GRID2: variants seen among roughly 807,000 people sequenced by gnomAD.
GRID2 encodes glutamate receptor ionotropic, delta-2.
GRID2 carries 33 observed loss-of-function variants against 114.8 expected under a neutral mutation model. That is an observed-to-expected ratio of 0.29 (90% CI 0.22 to 0.38). The LOEUF (loss-of-function observed/expected upper bound fraction) is 0.38, where lower values mean the gene tolerates loss of function less well. GRID2 is among the 10% of genes least tolerant of loss of function. The pLI is 1.00. For missense variants in GRID2, 1,184 were observed against 1,257.7 expected, an observed-to-expected ratio of 0.94 and a Z score of 0.89; for synonymous variants, 505 against 449.9, an observed-to-expected ratio of 1.12 and a Z score of -1.55.
intron 2 of GRID2, among the ~76,000 whole-genome samples, chr4:92,956,402 T>C (rs998242505): frequency 8.5e-5 from 13 of 152,328 alleles, no homozygotes; most frequent in African/African-American, 3.1e-4. Context: ...TCCCTATCCC[T>C]AACCCTTGAA....
At position 93,614,304 on chromosome 4, in the gene GRID2, A is replaced by T. The variant is rs374169971; in HGVS notation, c.2194-11965A>T. 4.6e-5 allele frequency among the ~76,000 whole-genome samples: 7 copies of T among 152,066 alleles called. No homozygotes were observed. The South Asian group carries it at 6.3e-4, about 14-fold the overall frequency. On this transcript the variant is annotated intron_variant, in intron 13 of 15. Transcript: ENST00000282020. ...GCTCACGCTGGGAGCTGTAGACCGG[A>T]GCTGTTCCTATTCGGCCATCTTGGC... is the stretch of plus-strand genomic sequence containing the variant.
At chr4:93,210,262 A>G (rs1743299804) in intron 5 of GRID2, among the ~76,000 whole-genome samples, 1 of 152,056 alleles carries the variant, frequency 6.6e-6, no homozygotes, top group African/African-American at 2.4e-5. Flanking sequence ...ATTTTTGTAT[A>G]TGGTATAATA....
intron 1 of GRID2, among the ~76,000 whole-genome samples, chr4:92,589,449 A>G (rs1728606399): frequency 6.6e-6 from 1 of 152,206 alleles, no homozygotes; most frequent in East Asian, 1.9e-4. Context: ...TCCATTACCA[A>G]TCAAATAGTC....
chr4:92,592,044 T>G (rs995412359), intron 2 of GRID2, among the ~76,000 whole-genome samples: 3 of 151,952 alleles, frequency 2.0e-5, no homozygotes, highest in Non-Finnish European at 2.9e-5. Context: ...AAAAGCAGTA[T>G]AAATTAATAT....
At chr4:93,613,428 C>A (rs1387318665) in intron 13 of GRID2, among the ~76,000 whole-genome samples, 17 of 114,462 alleles carry the variant, frequency 1.5e-4, no homozygotes, top group Non-Finnish European at 2.6e-4. Flanking sequence ...CTGTTTTTTC[C>A]CCATCTTTGT....
At chr4:93,443,525 G>C (rs1037299229) in intron 10 of GRID2, among the ~76,000 whole-genome samples, 1 of 151,878 alleles carries the variant, frequency 6.6e-6, no homozygotes, top group Non-Finnish European at 1.5e-5. Flanking sequence ...CATATTATAG[G>C]GGACATGGCC....
chr4:92,991,514 C>G (rs1754904624), intron 2 of GRID2, among the ~76,000 whole-genome samples: 2 of 152,118 alleles, frequency 1.3e-5, no homozygotes, highest in Admixed American at 6.5e-5. Context: ...GTTTAACCAC[C>G]CAAAGGGTAA....
At chr4:93,241,802 T>TA (rs78539388) in intron 8 of GRID2, among the ~76,000 whole-genome samples, 2,273 of 130,876 alleles carry the variant, frequency 0.017, 11 homozygotes, top group South Asian at 0.05. Flanking sequence ...AGTAGAAAAG[T>TA]AAAAAAAAAA....
rs992941227 is a variant in GRID2 at position 92,843,729 on chromosome 4, G to A, written c.245-241266G>A. ...TCACAAAGATGTGTAGTTGGAAAGGGAGGATTTTTTACAATAACCTTCAAA... is the reference window on the plus strand; with the variant it reads ...TCACAAAGATGTGTAGTTGGAAAGGAAGGATTTTTTACAATAACCTTCAAA... On this transcript the variant is annotated intron_variant, in intron 2 of 15. Coordinates refer to ENST00000282020, the MANE Select transcript of GRID2 (RefSeq NM_001510.4). 1.4e-4 allele frequency among the ~76,000 whole-genome samples: 21 copies of A among 152,210 alleles called. No individual in the cohort carries two copies. The East Asian group carries it at 3.9e-3, about 28-fold the overall frequency.
chr4:92,485,763 T>C (rs1461016842), intron 1 of GRID2, among the ~76,000 whole-genome samples: 2 of 152,038 alleles, frequency 1.3e-5, no homozygotes, highest in African/African-American at 4.8e-5. Context: ...TATTTGAGAA[T>C]TTTAAGCTTC....
intron 1 of GRID2, among the ~76,000 whole-genome samples, chr4:92,532,213 C>T (rs944144958): frequency 6.6e-6 from 1 of 152,144 alleles, no homozygotes; most frequent in Non-Finnish European, 1.5e-5. Context: ...TACAGGAATA[C>T]TCCTACCTAC....
At chr4:92,782,693 A>T (rs972481780) in intron 2 of GRID2, among the ~76,000 whole-genome samples, 5 of 152,136 alleles carry the variant, frequency 3.3e-5, no homozygotes, top group African/African-American at 1.2e-4. Context: ...AAAAGACATG[A>T]TTGCAAACTA....
chr4:93,324,131 T>C (rs560723647), intron 8 of GRID2, among the ~76,000 whole-genome samples: 16 of 152,268 alleles, frequency 1.1e-4, no homozygotes, highest in African/African-American at 3.4e-4. Context: ...GTGCCAGTTT[T>C]CAAAGAGAGT....
chr4:92,872,256 G>A (rs1008201887), intron 2 of GRID2, among the ~76,000 whole-genome samples: 22 of 152,132 alleles, frequency 1.4e-4, no homozygotes, highest in African/African-American at 5.3e-4. Context: ...CATTTATGAA[G>A]AAAGAATATA....
At chr4:92,895,698 T>A (rs1167666547) in intron 2 of GRID2, among the ~76,000 whole-genome samples, 1 of 152,026 alleles carries the variant, frequency 6.6e-6, no homozygotes, top group East Asian at 1.9e-4. Flanking sequence ...ATCCTTAGAA[T>A]GTGTTAACTA....
intron 3 of GRID2, among the ~76,000 whole-genome samples, chr4:93,099,579 C>G (rs1394557701): frequency 6.6e-6 from 1 of 151,740 alleles, no homozygotes; most frequent in Non-Finnish European, 1.5e-5. Flanking sequence ...GATATGTACA[C>G]TTTTTGTTAC....
At chr4:92,432,314 G>T (rs1270499244) in intron 1 of GRID2, among the ~76,000 whole-genome samples, 1 of 152,134 alleles carries the variant, frequency 6.6e-6, no homozygotes, top group African/African-American at 2.4e-5. Context: ...ATGCAGGCTG[G>T]TGTCCTTTCC....
intron 8 of GRID2, among the ~76,000 whole-genome samples, chr4:93,268,343 G>C (rs1052989670): frequency 2.6e-5 from 4 of 152,112 alleles, no homozygotes; most frequent in South Asian, 2.1e-4. Flanking sequence ...CATCTTATAG[G>C]GACACCAATC....
At chr4:92,845,769 C>T (rs755960946) in intron 2 of GRID2, among the ~76,000 whole-genome samples, 4 of 152,030 alleles carry the variant, frequency 2.6e-5, no homozygotes, top group East Asian at 1.9e-4. Flanking sequence ...CCAAGAAACT[C>T]GCTTCATCAT....
Sources: allele counts gnomAD v4.1 joint callset (sites outside exome capture counted in the v4.1 genomes callset), GRCh38; gene constraint gnomAD v4.1.1; transcripts MANE v1.5; gene names NCBI Gene and HGNC (gene_info 2026-07-23, HGNC 2026-07-21).